Variants in CDK16 observed in about 807,000 individuals in gnomAD.
CDK16 encodes cyclin dependent kinase 16.
In CDK16, 2 loss-of-function variants were observed where a neutral mutation model predicts 41.6. The ratio of observed to expected loss-of-function variants is 0.05; its 90% confidence interval spans 0.02 to 0.15. The LOEUF (loss-of-function observed/expected upper bound fraction) is 0.15, where lower values mean the gene tolerates loss of function less well. Among genes scored for constraint, CDK16 ranks in the 10% least tolerant of loss-of-function variants. The pLI is 1.00. For missense variants in CDK16, 228 were observed against 428.9 expected, an observed-to-expected ratio of 0.53 and a Z score of 4.14; for synonymous variants, 169 against 169.7, an observed-to-expected ratio of 1.00 and a Z score of 0.03.
At chrX:47,226,148 C>T in intron 8 of CDK16, 121 bp downstream of exon 8, 2 of 1,108,736 alleles carry the variant, frequency 1.8e-6, no homozygotes, top group Non-Finnish European at 1.2e-6. Context: ...TTGGAGGGCA[C>T]TGGGACCCTG....
At chrX:47,219,308 T>C (rs1292519718) in intron 1 of CDK16, among the ~76,000 whole-genome samples, 1 of 108,791 alleles carries the variant, frequency 9.2e-6, no homozygotes. Context: ...GGTTGGGTAG[T>C]GCTGTGGGTG....
Position 47,228,852 on chromosome X carries a change from T to G in CDK16, c.*84T>G, listed in dbSNP as rs925693010. On this transcript the variant is annotated 3_prime_UTR_variant, in exon 16 of 16. Transcript: ENST00000357227. ...CAGCCCCCAACTACATCTTCCCTGC[T>G]TACTCTCTGCCTACCTGCCTGAGCC... 7 of 968,237 alleles carry G rather than the reference T, an allele frequency of 7.2e-6. No homozygotes were observed. In the Admixed American group the frequency reaches 1.7e-4, roughly 24 times the overall value. The allele number at this position is 968,237 out of a possible 1,213,427, so 79.8% of individuals were successfully genotyped here.
rs1431788415 is a variant in CDK16 at position 47,229,751 on chromosome X, A to AG, written c.*989dup. 1 of 123,054 alleles carries AG rather than the reference A, an allele frequency of 8.1e-6. No homozygotes were observed. Among genetic ancestry groups the AG allele is most frequent in the Non-Finnish European group, 1.7e-5 (1 of 60,297 alleles). The allele number at this position is 123,054 out of a possible 1,213,427, so 10.1% of individuals were successfully genotyped here. On this transcript the variant is annotated 3_prime_UTR_variant, in exon 16 of 16. Coordinates refer to ENST00000357227, the MANE Select transcript of CDK16 (RefSeq NM_006201.5). ...ATATGTGCACAAGCAGGGTTGGGGG[A>AG]GGGGGGTGTGAGGGGTTGTGCCCAG...
rs147884170 is a variant in CDK16 at position 47,229,263 on chromosome X, G to GT, written c.*508dup. The GT allele has an allele frequency of 0.043, 6,609 of 153,565 alleles. 19 individuals are homozygous for GT. The highest frequency in any genetic ancestry group is 0.057 in the Non-Finnish European group (4,707 of 82,517). 12.7% of individuals were successfully genotyped at this position (153,565 alleles called of 1,213,427 possible). On this transcript the variant is annotated 3_prime_UTR_variant, in exon 16 of 16. Transcript: ENST00000357227. ...CCTTTTTTTGTTTGTTTCATTCATTGTTTTTTTTTTTTTAATTATTTTAAA... is the reference window on the plus strand; with the variant it reads ...CCTTTTTTTGTTTGTTTCATTCATTGTTTTTTTTTTTTTTAATTATTTTAAA...
chrX:47,224,941 C>T, intron 5 of CDK16, 47 bp from the exon 6 acceptor site: 2 of 1,198,173 alleles, frequency 1.7e-6, no homozygotes, highest in Non-Finnish European at 2.3e-6. Context: ...AGTGGGAACT[C>T]CTGGAATCTC....
rs1365034018 is a variant in CDK16, at chrX:47,226,625, A to G, written c.959A>G (p.Asn320Ser). ...TCAATCCCAACAAAGACATACTCCA[A>G]TGAGGTGGTGACACTGTGGTACCGG... ...AKSIPTKTYS[N>S]EVVTLWYRPP... is the part of the protein sequence containing the mutation. Residue 320 changes from asparagine (N) to serine (S), a missense_variant, in exon 10 of 16, where the codon AAT (asparagine) becomes AGT (serine). This residue lies in a region of CDK16 where 66 missense variants were observed against 197.2 expected (regional missense o/e 0.33). Coordinates refer to ENST00000357227, the MANE Select transcript of CDK16 (RefSeq NM_006201.5). The G allele has an allele frequency of 3.3e-6, 4 of 1,211,572 alleles. No individual in the cohort carries two copies. The highest frequency in any genetic ancestry group is 1.1e-6 in the Non-Finnish European group (1 of 895,219).
At chrX:47,225,443 C>A (rs1458098301) in intron 6 of CDK16, among the ~76,000 whole-genome samples, 1 of 112,100 alleles carries the variant, frequency 8.9e-6, no homozygotes, top group African/African-American at 3.2e-5. Flanking sequence ...CGCGATGCTG[C>A]AGGCCTATGT....
rs113210613 is a variant in CDK16, at chrX:47,229,089, C to T, written c.*321C>T. On this transcript the variant is annotated 3_prime_UTR_variant, in exon 16 of 16. Transcript: ENST00000357227. The stretch of plus-strand genomic sequence containing the variant: ...CAGGTCTACCCCCCATCATACCAGC[C>T]CCCAGGACCACTACCCCACGGCCAG... The T allele has an allele frequency of 2.4e-5, 9 of 376,003 alleles. No individual in the cohort carries two copies. The East Asian group carries it at 4.3e-4, about 18-fold the overall frequency. 31.0% of individuals were successfully genotyped at this position (376,003 alleles called of 1,213,427 possible). A position where few individuals can be genotyped will look rare whatever the true frequency, so the allele number is the denominator to read the frequency against.
intron 1 of CDK16, 98 bp from the exon 2 acceptor site, chrX:47,223,454 A>T: frequency 1.0e-6 from 1 of 990,571 alleles, no homozygotes; most frequent in Non-Finnish European, 1.4e-6. Flanking sequence ...TGACAAGTTC[A>T]TGTCAGTGCC....
chrX:47,219,975 A>G (rs1045388524), intron 1 of CDK16, among the ~76,000 whole-genome samples: 1 of 110,552 alleles, frequency 9.0e-6, no homozygotes, highest in Non-Finnish European at 1.9e-5. Context: ...GTCTGGGCCC[A>G]GGAAGGAGTG....
chrX:47,225,926 A>T (rs1179210593), intron 7 of CDK16, 39 bp from the exon 8 acceptor site: 3 of 1,200,074 alleles, frequency 2.5e-6, no homozygotes. Context: ...GAGCCATAGG[A>T]AGTAACCCTC....
intron 6 of CDK16, 98 bp from the exon 7 acceptor site, chrX:47,225,674 G>GA (rs1937530397): frequency 1.6e-6 from 1 of 629,676 alleles, no homozygotes; most frequent in African/African-American, 2.2e-5. Flanking sequence ...GAGAAAGAAA[G>GA]AAAACCTGGG....
intron 1 of CDK16, 102 bp from the exon 2 acceptor site, chrX:47,223,450 G>A (rs1937434597): frequency 3.0e-6 from 3 of 998,234 alleles, no homozygotes; most frequent in South Asian, 2.1e-5. Context: ...GCACTGACAA[G>A]TTCATGTCAG....
chrX:47,223,628 C>G lies in CDK16; in HGVS notation c.71C>G (p.Thr24Ser). 1 of 1,211,425 alleles carries G rather than the reference C, an allele frequency of 8.3e-7. No homozygotes were observed. Among genetic ancestry groups the G allele is most frequent in the South Asian group, 1.8e-5 (1 of 56,965 alleles). Residue 24 changes from threonine (T) to serine (S), a missense_variant, in exon 2 of 16, where the codon ACC (threonine) becomes AGC (serine). This residue lies in a region of CDK16 where 71 missense variants were observed against 102.2 expected (regional missense o/e 0.69). Transcript: ENST00000357227. ...CGAGGTGGCCGAGGCATAGACAAGACCAATGGTGCCCCTGAGCAGATAGGC... is the reference window on the plus strand; with the variant it reads ...CGAGGTGGCCGAGGCATAGACAAGAGCAATGGTGCCCCTGAGCAGATAGGC... ...TLRGGRGIDK[T>S]NGAPEQIGLD... is the part of the protein sequence containing the mutation.
chrX:47,225,832 C>T lies in CDK16; in HGVS notation c.695C>T (p.Thr232Met), dbSNP rs758691699. 2.5e-6 allele frequency: 3 copies of T among 1,208,367 alleles called. No homozygotes were observed. Among genetic ancestry groups the T allele is most frequent in the Non-Finnish European group, 3.4e-6 (3 of 893,656 alleles). The change falls in exon 7 of 16, where the codon ACG becomes ATG. Residue 232 changes from threonine (T) to methionine (M), a missense_variant. Physicochemically the swap from Thr to Met is moderately conservative, Grantham distance 81. Coordinates refer to ENST00000357227, the MANE Select transcript of CDK16 (RefSeq NM_006201.5). ...NIVTLHDIIHTEKSLTLVFEY... is the reference protein window; with the variant it reads ...NIVTLHDIIHMEKSLTLVFEY... ...GTTACGCTACATGACATTATCCACACGGAGAAGTCCCTCACCCTTGTCTTT... is the reference window on the plus strand; with the variant it reads ...GTTACGCTACATGACATTATCCACATGGAGAAGTCCCTCACCCTTGTCTTT...
In CDK16 at chrX:47,229,381, A is replaced by C. The variant is rs1175991981; in HGVS notation, c.*613A>C. 3.1e-6 allele frequency: 1 copy of C among 324,437 alleles called. No homozygotes were observed. Among genetic ancestry groups the C allele is most frequent in the African/African-American group, 2.7e-5 (1 of 36,624 alleles). 26.7% of individuals were successfully genotyped at this position (324,437 alleles called of 1,213,427 possible). The stretch of plus-strand genomic sequence containing the variant: ...GTGGCCCTCCCACAGTATTTTGTGC[A>C]ATGAAGCCCTGCTCCCAGCCTTTCA... On this transcript the variant is annotated 3_prime_UTR_variant, in exon 16 of 16. Coordinates refer to ENST00000357227, the MANE Select transcript of CDK16 (RefSeq NM_006201.5).
In CDK16 at chrX:47,226,849, C is replaced by T. The variant is rs763035543; in HGVS notation, c.1075C>T (p.Arg359Cys). 5.0e-6 allele frequency: 6 copies of T among 1,208,886 alleles called. No individual in the cohort carries two copies. The highest frequency in any genetic ancestry group is 3.0e-5 in the East Asian group (1 of 33,783). ...CATCTTCTATGAGATGGCCACAGGC[C>T]GTCCCCTCTTTCCGGGCTCCACGGT... ...GCIFYEMATG[R>C]PLFPGSTVEE... Residue 359 changes from arginine (R) to cysteine (C), a missense_variant, in exon 11 of 16, where the codon CGT (arginine) becomes TGT (cysteine). Arg to Cys is a radical substitution (Grantham distance 180). Around this residue, in one of 3 missense-constraint regions of CDK16, gnomAD observed 91 missense variants for 129.5 expected, o/e 0.70. Transcript: ENST00000357227.
At position 47,218,791 on chromosome X, in the gene CDK16, C is replaced by A. The variant is rs1211798746; in HGVS notation, c.-321C>A. 8 of 1,150,660 alleles carry A rather than the reference C, an allele frequency of 7.0e-6. No individual in the cohort carries two copies. The highest frequency in any genetic ancestry group is 9.2e-6 in the Non-Finnish European group (8 of 868,855). 94.8% of individuals were successfully genotyped at this position (1,150,660 alleles called of 1,213,427 possible). A position where few individuals can be genotyped will look rare whatever the true frequency, so the allele number is the denominator to read the frequency against. Reference sequence around the variant, plus strand: ...ATCCGCCGCCACTCCGCGATCAGACCGCTCTGTGCCGCGAGCCGCCGTGAG... The same window carrying A: ...ATCCGCCGCCACTCCGCGATCAGACAGCTCTGTGCCGCGAGCCGCCGTGAG... On this transcript the variant is annotated 5_prime_UTR_variant, in exon 1 of 16. Coordinates refer to ENST00000357227, the MANE Select transcript of CDK16 (RefSeq NM_006201.5).
In CDK16 at chrX:47,224,488, C is replaced by T; in HGVS notation, c.306C>T (p.Arg102=). ...EVQSPVRVRM[R]NHPPRKISTE... Reference sequence around the variant, plus strand: ...AGTCTCCAGTGAGAGTGCGTATGCGCAACCATCCCCCACGCAAGATCTCCA... The same window carrying T: ...AGTCTCCAGTGAGAGTGCGTATGCGTAACCATCCCCCACGCAAGATCTCCA... The change falls in exon 3 of 16, where the codon CGC becomes CGT. Residue 102 remains arginine, a synonymous_variant. Transcript: ENST00000357227. 1 of 1,201,493 alleles carries T rather than the reference C, an allele frequency of 8.3e-7. No homozygotes were observed. The highest frequency in any genetic ancestry group is 1.1e-6 in the Non-Finnish European group (1 of 890,256).
Sources: allele counts gnomAD v4.1 joint callset (sites outside exome capture counted in the v4.1 genomes callset), GRCh38; gene constraint gnomAD v4.1.1; regional missense constraint gnomAD v4.1.1; transcripts MANE v1.5; gene names NCBI Gene and HGNC (gene_info 2026-07-23, HGNC 2026-07-21).